The following PREP variants were observed in gnomAD, a reference collection of about 807,000 sequenced individuals.
PREP encodes the protein prolyl endopeptidase, also known as dJ355L5.1 (prolyl endopeptidase).
In PREP, 29 loss-of-function variants were observed where a neutral mutation model predicts 87.6. The observed-to-expected ratio is 0.33, with a 90% CI of 0.25 to 0.45. The LOEUF is 0.45. PREP is among the 20% of genes least tolerant of loss of function. The probability of loss-of-function intolerance (pLI) is 1.00; values close to 1 mark genes in which losing one functional copy is unlikely to be tolerated. For synonymous variants in PREP, 337 were observed against 328.6 expected, an observed-to-expected ratio of 1.03 and a Z score of -0.28; for missense variants, 695 against 886.5, an observed-to-expected ratio of 0.78 and a Z score of 2.74.
At chr6:105,332,564 C>A (rs1771364461) in intron 8 of PREP, among the ~76,000 whole-genome samples, 1 of 152,136 alleles carries the variant, frequency 6.6e-6, no homozygotes, top group South Asian at 2.1e-4. Flanking sequence ...CCTCAATCTA[C>A]CCAGCAGCAG....
chr6:105,308,964 C>T (rs1770704839), intron 10 of PREP, among the ~76,000 whole-genome samples: 1 of 148,640 alleles, frequency 6.7e-6, no homozygotes, highest in Admixed American at 6.6e-5. Flanking sequence ...GTAAGTGACT[C>T]TGTATAGTAG....
chr6:105,317,865 G>A (rs1770915533), intron 10 of PREP, among the ~76,000 whole-genome samples: 1 of 152,218 alleles, frequency 6.6e-6, no homozygotes, highest in African/African-American at 2.4e-5. Context: ...TCTAGAAACA[G>A]TATTAAATTT....
Position 105,323,648 on chromosome 6 carries a change from G to A in PREP, c.1317+17C>T. On this transcript the variant is annotated intron_variant, in intron 10 of 14. Coordinates refer to ENST00000652536, the MANE Select transcript of PREP (RefSeq NM_002726.5). ...GACTTCCTAACTCTCACATTAATGA[G>A]ATCATATTCTCCATACCTGGACTGT... 1 of 1,580,172 alleles carries A rather than the reference G, an allele frequency of 6.3e-7. No individual in the cohort carries two copies. The highest frequency in any genetic ancestry group is 2.2e-5 in the East Asian group (1 of 44,714).
intron 11 of PREP, among the ~76,000 whole-genome samples, chr6:105,285,900 T>C (rs1770181361): frequency 6.6e-6 from 1 of 152,182 alleles, no homozygotes; most frequent in African/African-American, 2.4e-5. Flanking sequence ...CTCAGCCTCC[T>C]GAGTAGCTGG....
chr6:105,397,888 CG>C lies in PREP; in HGVS notation c.84del (p.Tyr28Ter). ...DYHGHKICDP[Y>X]AWLEDPDSEQ... ...TCACTGTCGGGGTCTTCAAGCCAGG[CG>C]TAAGGGTCACAAATTTTATGACCAT... On this transcript the variant is annotated frameshift_variant, in exon 2 of 15. Transcript: ENST00000652536. LOFTEE classifies it high-confidence loss of function. The C allele has an allele frequency of 6.2e-7, 1 of 1,612,764 alleles. No homozygotes were observed. Among genetic ancestry groups the C allele is most frequent in the Non-Finnish European group, 8.5e-7 (1 of 1,178,858 alleles).
chr6:105,323,569 T>C (rs528574539), intron 10 of PREP, 96 bp downstream of exon 10: 1 of 1,111,060 alleles, frequency 9.0e-7, no homozygotes, highest in African/African-American at 1.5e-5. Flanking sequence ...TTGTCATGAA[T>C]TACCTCCACT....
Position 105,333,360 on chromosome 6 carries a change from C to G in PREP, c.969G>C (p.Glu323Asp). Residue 323 changes from glutamate to aspartate, a missense_variant, in exon 8 of 15, where the codon GAG becomes GAC. This residue lies in a region of PREP where 517 missense variants were observed against 620.3 expected (regional missense o/e 0.83). Coordinates refer to ENST00000652536, the MANE Select transcript of PREP (RefSeq NM_002726.5). ...VINIDFRDPE[E>D]SKWKVLVPEH... is the part of the protein sequence containing the mutation. ...CAGGAACAAGTACTTTCCACTTAGACTCTTCAGGATCCCTGAAGTCAATGT... is the reference window on the plus strand; with the variant it reads ...CAGGAACAAGTACTTTCCACTTAGAGTCTTCAGGATCCCTGAAGTCAATGT... 5 of 1,614,200 alleles carry G rather than the reference C, an allele frequency of 3.1e-6. No homozygotes were observed. Among genetic ancestry groups the G allele is most frequent in the Non-Finnish European group, 2.5e-6 (3 of 1,180,022 alleles).
intron 10 of PREP, among the ~76,000 whole-genome samples, chr6:105,313,803 G>A (rs1363151263): frequency 5.3e-5 from 8 of 152,238 alleles, no homozygotes; most frequent in Admixed American, 1.3e-4. Flanking sequence ...TGGCATGAAT[G>A]CCAATCCCTG....
intron 9 of PREP, among the ~76,000 whole-genome samples, chr6:105,326,020 C>T (rs895785973): frequency 6.6e-6 from 1 of 152,118 alleles, no homozygotes; most frequent in Non-Finnish European, 1.5e-5. Context: ...CCTACCAAAA[C>T]AAGAATCAGG....
At chr6:105,397,232 C>T (rs570859192) in intron 2 of PREP, among the ~76,000 whole-genome samples, 1 of 150,774 alleles carries the variant, frequency 6.6e-6, no homozygotes, top group South Asian at 2.1e-4. Flanking sequence ...CCTAGGCACT[C>T]CAAAAAGGGA....
Position 105,302,969 on chromosome 6 carries a change from C to T in PREP, c.1318-14075G>A, listed in dbSNP as rs186190027. 2.2e-3 allele frequency: 424 copies of T among 189,114 alleles called. 3 individuals carry two copies. The highest frequency in any genetic ancestry group is 1.3e-3 in the Non-Finnish European group (120 of 90,338). The allele number at this position is 189,114 out of a possible 1,614,324, so 11.7% of individuals were successfully genotyped here. A position where few individuals can be genotyped will look rare whatever the true frequency, so the allele number is the denominator to read the frequency against. ...ACACCATCTTATCCCTGCCTGCCTG[C>T]ACAGGGGCCTTGGCTTCCAGGACTC... is the stretch of plus-strand genomic sequence containing the variant. On this transcript the variant is annotated intron_variant, in intron 10 of 14. Transcript: ENST00000652536.
intron 6 of PREP, among the ~76,000 whole-genome samples, chr6:105,368,535 A>G (rs964308859): frequency 6.6e-6 from 1 of 152,034 alleles, no homozygotes; most frequent in African/African-American, 2.4e-5. Flanking sequence ...TTTCCCCCAT[A>G]CTCTCACTTG....
intron 2 of PREP, among the ~76,000 whole-genome samples, chr6:105,396,265 CA>C (rs1164605095): frequency 6.6e-6 from 1 of 152,178 alleles, no homozygotes; most frequent in African/African-American, 2.4e-5. Flanking sequence ...TAGGAAATCT[CA>C]AAATAGCAGT....
chr6:105,311,267 G>A (rs552870551), intron 10 of PREP, among the ~76,000 whole-genome samples: 146 of 152,264 alleles, frequency 9.6e-4, no homozygotes, highest in African/African-American at 3.3e-3. Flanking sequence ...ACTCTGCAGT[G>A]ACTCCCATCA....
At chr6:105,296,558 T>C (rs1016666920) in intron 10 of PREP, among the ~76,000 whole-genome samples, 28 of 152,368 alleles carry the variant, frequency 1.8e-4, no homozygotes, top group African/African-American at 6.7e-4. Flanking sequence ...TTATATTTTA[T>C]GTTTACATAT....
chr6:105,369,644 C>T (rs540348790), intron 5 of PREP, among the ~76,000 whole-genome samples: 3 of 152,204 alleles, frequency 2.0e-5, no homozygotes, highest in Non-Finnish European at 2.9e-5. Context: ...GCCTAGTAGC[C>T]TTTTTAAAAA....
intron 7 of PREP, among the ~76,000 whole-genome samples, chr6:105,346,224 GT>G (rs1478577704): frequency 2.6e-5 from 4 of 152,110 alleles, no homozygotes; most frequent in African/African-American, 9.7e-5. Flanking sequence ...CTTCTCGAAT[GT>G]TTATCTCCCC....
chr6:105,393,207 C>A (rs1414601974), intron 2 of PREP, among the ~76,000 whole-genome samples: 2 of 152,120 alleles, frequency 1.3e-5, no homozygotes, highest in Non-Finnish European at 2.9e-5. Context: ...CAATAAAAAC[C>A]ATTCAAGAAG....
intron 2 of PREP, among the ~76,000 whole-genome samples, chr6:105,383,503 C>G (rs999143868): frequency 2.4e-4 from 36 of 152,122 alleles, no homozygotes; most frequent in African/African-American, 8.5e-4. Flanking sequence ...AGCCCAAAAT[C>G]TTTTGGGCTC....
Sources: gnomAD v4.1 joint callset for allele counts (sites outside exome capture counted in the v4.1 genomes callset) on GRCh38, gnomAD v4.1.1 for gene constraint, gnomAD v4.1.1 regional missense constraint, MANE v1.5 for transcripts, NCBI Gene and HGNC (gene_info 2026-07-23, HGNC 2026-07-21) for gene names.